The following CTNND1 variants were observed in gnomAD, a reference collection of about 807,000 sequenced individuals.
The protein encoded by CTNND1 is catenin delta-1.
In CTNND1, 16 loss-of-function variants were observed where a neutral mutation model predicts 112.1. The observed-to-expected ratio is 0.14, with a 90% CI of 0.10 to 0.22. The LOEUF is 0.22. Ranked by LOEUF, CTNND1 falls within the 10% of genes least tolerant of loss-of-function variation. CTNND1 has a pLI of 1.00. For synonymous variants in CTNND1, 420 were observed against 446.5 expected, an observed-to-expected ratio of 0.94 and a Z score of 0.75; for missense variants, 1,008 against 1,257.0, an observed-to-expected ratio of 0.80 and a Z score of 3.00.
intron 1 of CTNND1, among the ~76,000 whole-genome samples, chr11:57,785,725 T>A (rs1056896682): frequency 3.3e-5 from 5 of 152,026 alleles, no homozygotes; most frequent in African/African-American, 1.2e-4. Flanking sequence ...AATTTTTTAT[T>A]TTTAGTAGAG....
In CTNND1 at chr11:57,794,028, G is replaced by T; in HGVS notation, c.214G>T (p.Asp72Tyr). The change falls in exon 4 of 21, where the codon GAT (aspartate) becomes TAT (tyrosine). Residue 72 changes from aspartate (D) to tyrosine (Y), a missense_variant. This residue lies in a region of CTNND1 where 404 missense variants were observed against 457.9 expected (regional missense o/e 0.88). Coordinates refer to ENST00000399050, the MANE Select transcript of CTNND1 (RefSeq NM_001085458.2). ...GTTTCAGAACGGCCGGTTTGTGGGC[G>T]ATGCTGACCTTGAAAGACAGAAATT... Reference protein sequence around the residue: ...RRHQNGRFVGDADLERQKFSD... With the variant: ...RRHQNGRFVGYADLERQKFSD... 6.2e-7 allele frequency: 1 copy of T among 1,613,978 alleles called. No individual in the cohort carries two copies.
rs936045893 is a variant in CTNND1, at chr11:57,819,235, G to A, written c.*2927G>A. 1.3e-5 allele frequency: 2 copies of A among 152,118 alleles called. No individual in the cohort carries two copies. Among genetic ancestry groups the A allele is most frequent in the Admixed American group, 1.3e-4 (2 of 15,272 alleles). The allele number at this position is 152,118 out of a possible 1,614,324, so 9.4% of individuals were successfully genotyped here. ...GGACTTGGGTATGAAAACTTTCATG[G>A]GCTAGTGAGACCAGGAAATCAACTA... On this transcript the variant is annotated 3_prime_UTR_variant, in exon 21 of 21. Coordinates refer to ENST00000399050, the MANE Select transcript of CTNND1 (RefSeq NM_001085458.2).
intron 6 of CTNND1, among the ~76,000 whole-genome samples, chr11:57,799,737 G>A (rs142749086): frequency 6.6e-6 from 1 of 152,088 alleles, no homozygotes; most frequent in Admixed American, 6.5e-5. Context: ...TATGGTAATT[G>A]TTCTTATAAT....
intron 5 of CTNND1, among the ~76,000 whole-genome samples, chr11:57,796,213 C>G (rs193058074): frequency 2.9e-4 from 44 of 151,862 alleles, no homozygotes; most frequent in African/African-American, 1.0e-3. Flanking sequence ...AGTGAAACCC[C>G]GTCTCTACTA....
intron 1 of CTNND1, among the ~76,000 whole-genome samples, chr11:57,771,201 A>G (rs1001350092): frequency 6.6e-6 from 1 of 151,934 alleles, no homozygotes; most frequent in Non-Finnish European, 1.5e-5. Flanking sequence ...TCTCCATTCA[A>G]AAGAAATTTG....
At chr11:57,767,485 T>G (rs1951399781) in intron 1 of CTNND1, among the ~76,000 whole-genome samples, 1 of 152,216 alleles carries the variant, frequency 6.6e-6, no homozygotes, top group Non-Finnish European at 1.5e-5. Context: ...TATTCTATAT[T>G]TTTTGGTAAA....
chr11:57,789,189 A>G (rs2060433424), intron 2 of CTNND1, 34 bp downstream of exon 2: 1 of 1,340,758 alleles, frequency 7.5e-7, no homozygotes. Flanking sequence ...AAGAAGGAAA[A>G]ATCTTACTTT....
chr11:57,794,188 C>G, intron 4 of CTNND1, 107 bp downstream of exon 4: 3 of 892,890 alleles, frequency 3.4e-6, no homozygotes, highest in Non-Finnish European at 5.4e-6. Context: ...ATTGTACATA[C>G]TCGTCAATTA....
Position 57,794,145 on chromosome 11 carries a change from G to A in CTNND1, c.267+64G>A, listed in dbSNP as rs554388200. The A allele has an allele frequency of 6.5e-5, 94 of 1,442,674 alleles. 1 individual carries two copies. The South Asian group carries it at 1.1e-3, about 16-fold the overall frequency. 89.4% of individuals were successfully genotyped at this position (1,442,674 alleles called of 1,614,324 possible). Reference sequence around the variant, plus strand: ...ATTTTCTTATTTCCCCAGCCTATAAGAGCATATTTGTGTCTTGTAAGGTGC... The same window carrying A: ...ATTTTCTTATTTCCCCAGCCTATAAAAGCATATTTGTGTCTTGTAAGGTGC... On this transcript the variant is annotated intron_variant, in intron 4 of 20. Coordinates refer to ENST00000399050, the MANE Select transcript of CTNND1 (RefSeq NM_001085458.2).
At position 57,814,620 on chromosome 11, in the gene CTNND1, C is replaced by T. The variant is rs533739049; in HGVS notation, c.2701+247C>T. Reference sequence around the variant, plus strand: ...TATGCCTCTCCTATTACTACACATTCAAGTTTGTAGCCCATTATATTCCTA... The same window carrying T: ...TATGCCTCTCCTATTACTACACATTTAAGTTTGTAGCCCATTATATTCCTA... On this transcript the variant is annotated intron_variant, in intron 18 of 20. Transcript: ENST00000399050. Among the ~76,000 whole-genome samples, 9 of 152,302 alleles carry T rather than the reference C, an allele frequency of 5.9e-5. No homozygotes were observed. The East Asian group carries it at 1.7e-3, about 29-fold the overall frequency.
intron 7 of CTNND1, among the ~76,000 whole-genome samples, chr11:57,803,129 A>G (rs2062204944): frequency 6.6e-6 from 1 of 152,082 alleles, no homozygotes; most frequent in Non-Finnish European, 1.5e-5. Context: ...TTTTTTTGAG[A>G]TGGAGTCTCG....
At chr11:57,786,622 G>C (rs1565311605) in intron 1 of CTNND1, among the ~76,000 whole-genome samples, 1 of 152,218 alleles carries the variant, frequency 6.6e-6, no homozygotes, top group Non-Finnish European at 1.5e-5. Flanking sequence ...GTCTGCCAAA[G>C]TCAGCTGAAG....
intron 1 of CTNND1, among the ~76,000 whole-genome samples, chr11:57,779,051 T>C (rs1452383010): frequency 6.6e-6 from 1 of 152,192 alleles, no homozygotes; most frequent in Non-Finnish European, 1.5e-5. Flanking sequence ...TCTTTGTGGA[T>C]CTCTAGGATT....
intron 6 of CTNND1, among the ~76,000 whole-genome samples, chr11:57,799,911 A>C (rs1445447692): frequency 6.6e-6 from 1 of 151,638 alleles, no homozygotes; most frequent in Non-Finnish European, 1.5e-5. Context: ...CCTCTACTAA[A>C]ATGGAATCTT....
At chr11:57,763,370 A>G (rs1383233192) in intron 1 of CTNND1, among the ~76,000 whole-genome samples, 1 of 152,156 alleles carries the variant, frequency 6.6e-6, no homozygotes, top group Non-Finnish European at 1.5e-5. Flanking sequence ...TTAAACTGGT[A>G]TGGATCTTTA....
intron 1 of CTNND1, among the ~76,000 whole-genome samples, chr11:57,774,873 T>C (rs1953760987): frequency 6.6e-6 from 1 of 152,030 alleles, no homozygotes. Flanking sequence ...CCACCATACC[T>C]GCTTAATTTT....
At chr11:57,770,775 C>G (rs1056683534) in intron 1 of CTNND1, among the ~76,000 whole-genome samples, 1 of 152,176 alleles carries the variant, frequency 6.6e-6, no homozygotes, top group African/African-American at 2.4e-5. Context: ...GAAACTAGGT[C>G]AACTTCTCAA....
rs763839595 is a variant in CTNND1 at position 57,816,278 on chromosome 11, T to C, written c.2896-19T>C. The C allele has an allele frequency of 1.2e-6, 2 of 1,613,636 alleles. No individual in the cohort carries two copies. The highest frequency in any genetic ancestry group is 1.7e-5 in the Admixed American group (1 of 59,994). The stretch of plus-strand genomic sequence containing the variant: ...TCCCAACCCCATTAACATTCTCTCT[T>C]TCTCTTTTTTCTCCACAGCAGAAGA... On this transcript the variant is annotated intron_variant, in intron 20 of 20. Transcript: ENST00000399050.
chr11:57,794,131 TCCCCAGC>T (rs749685225), intron 4 of CTNND1, 50 bp downstream of exon 4: 1 of 1,524,506 alleles, frequency 6.6e-7, no homozygotes, highest in East Asian at 2.3e-5. Flanking sequence ...TTTTCTTATT[TCCCCAGC>T]CTATAAGAGC....
Sources: allele counts gnomAD v4.1 joint callset (sites outside exome capture counted in the v4.1 genomes callset), GRCh38; gene constraint gnomAD v4.1.1; regional missense constraint gnomAD v4.1.1; transcripts MANE v1.5; gene names NCBI Gene and HGNC (gene_info 2026-07-23, HGNC 2026-07-21).